The following SSH1 variants were observed in gnomAD, a reference collection of about 807,000 sequenced individuals.
SSH1 encodes slingshot protein phosphatase 1, also known as protein phosphatase Slingshot homolog 1.
SSH1 carries 43 observed loss-of-function variants against 79.7 expected under a neutral mutation model. That is an observed-to-expected ratio of 0.54 (90% CI 0.42 to 0.70). SSH1 has a LOEUF of 0.70. Among genes scored for constraint, SSH1 ranks in the 30% least tolerant of loss-of-function variants. The pLI is 0.00. For synonymous variants in SSH1, 599 were observed against 538.3 expected, an observed-to-expected ratio of 1.11 and a Z score of -1.56; for missense variants, 1,206 against 1,358.8, an observed-to-expected ratio of 0.89 and a Z score of 1.77.
rs545860456 is a variant in SSH1, at chr12:108,812,989, A to G, written c.402-1661T>C. On this transcript the variant is annotated intron_variant, in intron 5 of 14. Coordinates refer to ENST00000326495, the MANE Select transcript of SSH1 (RefSeq NM_018984.4). Reference sequence around the variant, plus strand: ...TCAATCCTCCCACCTCAGCCTCCTGAGTAGCTAGGACCACAGGCACATGCC... The same window carrying G: ...TCAATCCTCCCACCTCAGCCTCCTGGGTAGCTAGGACCACAGGCACATGCC... Among the ~76,000 whole-genome samples, 203 of 151,900 alleles carry G rather than the reference A, an allele frequency of 1.3e-3. 1 individual carries two copies. Among genetic ancestry groups the G allele is most frequent in the African/African-American group, 4.8e-3 (198 of 41,384 alleles).
chr12:108,849,439 C>T (rs916150186), intron 2 of SSH1, among the ~76,000 whole-genome samples: 1 of 152,122 alleles, frequency 6.6e-6, no homozygotes, highest in African/African-American at 2.4e-5. Context: ...CGCCTGTAGT[C>T]CCAGCTACTT....
chr12:108,799,037 T>G lies in SSH1; in HGVS notation c.1312A>C (p.Arg438=). Residue 438 remains arginine (R), a synonymous_variant, in exon 13 of 15, where the codon AGG becomes CGG. Coordinates refer to ENST00000326495, the MANE Select transcript of SSH1 (RefSeq NM_018984.4). ...SITRPNAGFM[R]QLSEYEGILD... ...ATGCCTTCATACTCAGACAGCTGCC[T>G]CATAAAGCCCGCGTTGGGGCGCGTG... The G allele has an allele frequency of 6.2e-7, 1 of 1,614,002 alleles. No homozygotes were observed. The highest frequency in any genetic ancestry group is 8.5e-7 in the Non-Finnish European group (1 of 1,180,050).
At chr12:108,805,840 A>C (rs2037243299) in intron 9 of SSH1, among the ~76,000 whole-genome samples, 1 of 152,242 alleles carries the variant, frequency 6.6e-6, no homozygotes, top group East Asian at 1.9e-4. Context: ...AAAACATGAA[A>C]AGGTAAAAAG....
intron 7 of SSH1, among the ~76,000 whole-genome samples, chr12:108,808,117 T>C (rs2037380872): frequency 6.6e-6 from 1 of 152,152 alleles, no homozygotes; most frequent in African/African-American, 2.4e-5. Context: ...TTTCTATTTT[T>C]AGGAGAGACA....
intron 13 of SSH1, 79 bp downstream of exon 13, chr12:108,798,921 C>T: frequency 1.3e-6 from 2 of 1,530,972 alleles, no homozygotes; most frequent in South Asian, 1.1e-5. Context: ...TGCTCTGCTG[C>T]CGACAGAGGC....
chr12:108,799,247 T>C (rs896769825), intron 12 of SSH1, 47 bp from the exon 13 acceptor site: 74 of 1,519,998 alleles, frequency 4.9e-5, no homozygotes, highest in Non-Finnish European at 6.2e-5. Flanking sequence ...GGAGAAGCAG[T>C]GGGGAAGGAG....
chr12:108,855,835 A>G (rs74879040), intron 1 of SSH1, among the ~76,000 whole-genome samples: 4,530 of 152,238 alleles, frequency 0.03, 161 homozygotes, highest in African/African-American at 0.084. Context: ...CCTTCTGTGT[A>G]TAGATAACTC....
At chr12:108,824,242 G>A (rs1347483059) in intron 2 of SSH1, among the ~76,000 whole-genome samples, 2 of 152,094 alleles carry the variant, frequency 1.3e-5, no homozygotes, top group Non-Finnish European at 2.9e-5. Context: ...TCAGGAGTTC[G>A]AGACCAGTCT....
intron 2 of SSH1, among the ~76,000 whole-genome samples, chr12:108,849,719 CAA>C (rs1491307739): frequency 6.8e-6 from 1 of 147,648 alleles, no homozygotes; most frequent in Non-Finnish European, 1.5e-5. Flanking sequence ...CTCTTTGCCC[CAA>C]AGACAGTCTA....
In SSH1 at chr12:108,800,868, C is replaced by A. The variant is rs759582397; in HGVS notation, c.1060G>T (p.Ala354Ser). Residue 354 changes from alanine (A) to serine (S), a missense_variant, in exon 12 of 15, where the codon GCA (alanine) becomes TCA (serine). Coordinates refer to ENST00000326495, the MANE Select transcript of SSH1 (RefSeq NM_018984.4). ...EIDNFFPGLF[A>S]YHNIRVYDEE... ...TCGTAGACTCGGATGTTATGATATG[C>A]AAATAAGCCAGGAAAAAAATTATCG... 6.2e-7 allele frequency: 1 copy of A among 1,613,630 alleles called. No homozygotes were observed. Among genetic ancestry groups the A allele is most frequent in the African/African-American group, 1.3e-5 (1 of 74,820 alleles).
chr12:108,798,823 C>G (rs534820060), intron 13 of SSH1, among the ~76,000 whole-genome samples, 177 bp downstream of exon 13: 2 of 152,392 alleles, frequency 1.3e-5, no homozygotes, highest in African/African-American at 4.8e-5. Flanking sequence ...CTCATCAAAG[C>G]CCAAACAATA....
intron 2 of SSH1, chr12:108,827,258 C>G (rs774854177): frequency 4.1e-5 from 63 of 1,545,036 alleles, no homozygotes; most frequent in Non-Finnish European, 4.5e-5. Context: ...GGTGGTCATA[C>G]GTACTAATTT....
At chr12:108,796,617 T>G (rs2036762888) in intron 13 of SSH1, among the ~76,000 whole-genome samples, 1 of 152,252 alleles carries the variant, frequency 6.6e-6, no homozygotes, top group Non-Finnish European at 1.5e-5. Flanking sequence ...CATGGGTTGC[T>G]TCCACTTTTT....
At position 108,838,348 on chromosome 12, in the gene SSH1, C is replaced by T. The variant is rs190831996; in HGVS notation, c.110+14290G>A. Among the ~76,000 whole-genome samples the T allele has an allele frequency of 3.6e-4, 55 of 152,314 alleles. 1 individual carries two copies. The highest frequency in any genetic ancestry group is 1.2e-4 in the African/African-American group (5 of 41,578). On this transcript the variant is annotated intron_variant, in intron 2 of 14. Coordinates refer to ENST00000326495, the MANE Select transcript of SSH1 (RefSeq NM_018984.4). ...GTTTCGTGCCCAGAGCAGAAGAGAA[C>T]GATGAAGAGCTCTGCTCTCCCAGGT... is the stretch of plus-strand genomic sequence containing the variant.
At chr12:108,802,191 T>C (rs1414515568) in intron 11 of SSH1, 131 bp downstream of exon 11, 2 of 758,446 alleles carry the variant, frequency 2.6e-6, no homozygotes, top group Non-Finnish European at 4.7e-6. Flanking sequence ...CATCAACCCC[T>C]GGCAGCCACT....
intron 3 of SSH1, among the ~76,000 whole-genome samples, chr12:108,820,215 A>G (rs1414389640): frequency 6.6e-6 from 1 of 152,174 alleles, no homozygotes; most frequent in Non-Finnish European, 1.5e-5. Flanking sequence ...AAAATTTAAA[A>G]AAGAAAAGAA....
rs1490189066 is a variant in SSH1, at chr12:108,779,849, AT to A, written c.*8138del. ...GCCATCATGCCCGGCTAATTTTTGT[AT>A]TTTTAGTTGAGACGGCGTTTCACCA... is the stretch of plus-strand genomic sequence containing the variant. On this transcript the variant is annotated 3_prime_UTR_variant, in exon 15 of 15. Coordinates refer to ENST00000326495, the MANE Select transcript of SSH1 (RefSeq NM_018984.4). The A allele has an allele frequency of 6.6e-6, 1 of 151,952 alleles. No homozygotes were observed. Among genetic ancestry groups the A allele is most frequent in the African/African-American group, 2.4e-5 (1 of 41,362 alleles). The allele number at this position is 151,952 out of a possible 1,614,324, so 9.4% of individuals were successfully genotyped here. A position where few individuals can be genotyped will look rare whatever the true frequency, so the allele number is the denominator to read the frequency against.
In SSH1 at chr12:108,845,753, G is replaced by C. The variant is rs568671473; in HGVS notation, c.110+6885C>G. Among the ~76,000 whole-genome samples the C allele has an allele frequency of 3.9e-5, 6 of 152,184 alleles. No homozygotes were observed. In the East Asian group the frequency reaches 1.2e-3, roughly 29 times the overall value. ...TTAGTGGTAACTTGTCATGCAGCAGGCAATGACTGATACAGTAACCTATGC... is the reference window on the plus strand; with the variant it reads ...TTAGTGGTAACTTGTCATGCAGCAGCCAATGACTGATACAGTAACCTATGC... On this transcript the variant is annotated intron_variant, in intron 2 of 14. Coordinates refer to ENST00000326495, the MANE Select transcript of SSH1 (RefSeq NM_018984.4).
At chr12:108,831,967 C>T (rs936882445) in intron 2 of SSH1, among the ~76,000 whole-genome samples, 2 of 152,202 alleles carry the variant, frequency 1.3e-5, no homozygotes, top group Non-Finnish European at 2.9e-5. Flanking sequence ...AAATTCTCAG[C>T]ACCTGAATGC....
Sources: allele counts gnomAD v4.1 joint callset (sites outside exome capture counted in the v4.1 genomes callset), GRCh38; gene constraint gnomAD v4.1.1; transcripts MANE v1.5; gene names NCBI Gene and HGNC (gene_info 2026-07-23, HGNC 2026-07-21).